KIF1B: variants seen among roughly 807,000 people sequenced by gnomAD.
The protein encoded by KIF1B is kinesin family member 1B, also known as kinesin-like protein KIF1B.
Under a neutral mutation model 241.9 loss-of-function variants are expected in KIF1B, and 76 were observed. That is an observed-to-expected ratio of 0.31 (90% CI 0.26 to 0.38). The LOEUF is 0.38. Ranked by LOEUF, KIF1B falls within the 10% of genes least tolerant of loss-of-function variation. KIF1B has a pLI of 1.00. For missense variants in KIF1B, 1,622 were observed against 2,271.4 expected (o/e 0.71, Z 5.81); for synonymous variants, 750 against 796.7 (o/e 0.94, Z 0.99).
chr1:10,301,756 C>G (rs1004764191), intron 22 of KIF1B, among the ~76,000 whole-genome samples: 2 of 152,170 alleles, frequency 1.3e-5, no homozygotes, highest in African/African-American at 4.8e-5. Flanking sequence ...CAACTTTTAT[C>G]TCCCGAATAG....
intron 1 of KIF1B, among the ~76,000 whole-genome samples, chr1:10,217,519 G>A (rs1646785437): frequency 1.3e-5 from 2 of 151,850 alleles, no homozygotes; most frequent in African/African-American, 4.8e-5. Context: ...GTTTCACCAT[G>A]TTGGCCAGGC....
Position 10,211,304 on chromosome 1 carries a change from G to A in KIF1B, c.-80+426G>A, listed in dbSNP as rs567359922. ...TTGTGGTGGGCATCGGGCTTCGGCT[G>A]GGAATGTGGTTATGCCCTTTGCCAG... On this transcript the variant is annotated intron_variant, in intron 1 of 48. Coordinates refer to ENST00000676179, the MANE Select transcript of KIF1B (RefSeq NM_001365951.3). Among the ~76,000 whole-genome samples, 109 of 152,360 alleles carry A rather than the reference G, an allele frequency of 7.2e-4. 4 individuals carry two copies. The South Asian group carries it at 0.022, about 30-fold the overall frequency.
chr1:10,333,714 A>G (rs1424547571), intron 27 of KIF1B, among the ~76,000 whole-genome samples: 1 of 152,142 alleles, frequency 6.6e-6, no homozygotes, highest in African/African-American at 2.4e-5. Context: ...AAAGCAACCA[A>G]TAAAGACCAT....
At chr1:10,283,665 T>C (rs1214836796) in intron 15 of KIF1B, among the ~76,000 whole-genome samples, 1 of 152,178 alleles carries the variant, frequency 6.6e-6, no homozygotes, top group African/African-American at 2.4e-5. Context: ...CAAATATTTT[T>C]TCTTTCCCTA....
Position 10,337,506 on chromosome 1 carries a change from A to C in KIF1B, c.3395A>C (p.Glu1132Ala). Residue 1132 changes from glutamate to alanine, a missense_variant, in exon 31 of 49, where the codon GAG becomes GCG. Around this residue, in one of 7 missense-constraint regions of KIF1B, gnomAD observed 803 missense variants for 1,112.0 expected, o/e 0.72. Transcript: ENST00000676179. This position sits in a 1 kb window ranked among gnomAD's most constrained non-coding sequence, Gnocchi z 4.0. Reference sequence around the variant, plus strand: ...TTGCAGGCCAGTGGAATCCTCCCAGAGTATGCAGATATCTTCTGTCAGTTC... The same window carrying C: ...TTGCAGGCCAGTGGAATCCTCCCAGCGTATGCAGATATCTTCTGTCAGTTC... The part of the protein sequence containing the change: ...TVLQASGILP[E>A]YADIFCQFNF... The C allele has an allele frequency of 6.2e-7, 1 of 1,614,212 alleles. No individual in the cohort carries two copies. Among genetic ancestry groups the C allele is most frequent in the Non-Finnish European group, 8.5e-7 (1 of 1,180,028 alleles).
At chr1:10,295,579 T>C in intron 18 of KIF1B, 81 bp from the exon 19 acceptor site, 4 of 1,256,316 alleles carry the variant, frequency 3.2e-6, no homozygotes, top group Non-Finnish European at 4.7e-6. Flanking sequence ...CCAAAGGATA[T>C]TCTTTGGAAT....
At chr1:10,251,890 A>G (rs1439777723) in intron 2 of KIF1B, among the ~76,000 whole-genome samples, 2 of 152,084 alleles carry the variant, frequency 1.3e-5, no homozygotes, top group African/African-American at 2.4e-5. Context: ...GCCTTGTGTC[A>G]TCATTGTTCT....
chr1:10,278,010 T>G lies in KIF1B; in HGVS notation c.1062T>G (p.Ile354Met). 4 of 1,613,984 alleles carry G rather than the reference T, an allele frequency of 2.5e-6. No homozygotes were observed. Among genetic ancestry groups the G allele is most frequent in the Non-Finnish European group, 3.4e-6 (4 of 1,179,944 alleles). The part of the protein sequence containing the change: ...TLRYADRAKQ[I>M]KCNAVINEDP... The stretch of plus-strand genomic sequence containing the variant: ...GATATGCAGATCGTGCAAAACAAAT[T>G]AAATGCAATGCTGTTATCAATGAGG... Residue 354 changes from isoleucine (I) to methionine (M), a missense_variant, in exon 13 of 49, where the codon ATT becomes ATG. Physicochemically the swap from Ile to Met is conservative, Grantham distance 10 (BLOSUM62 1). This residue lies in a region of KIF1B where 201 missense variants were observed against 301.2 expected (regional missense o/e 0.67). Transcript: ENST00000676179.
intron 20 of KIF1B, 28 bp from the exon 21 acceptor site, chr1:10,296,869 T>C (rs752215191): frequency 1.7e-5 from 27 of 1,604,512 alleles, no homozygotes; most frequent in Non-Finnish European, 2.2e-5. Context: ...AAATTATTTC[T>C]TAACCCTATT....
chr1:10,280,225 C>CT (rs900285654), intron 14 of KIF1B, among the ~76,000 whole-genome samples: 4 of 150,994 alleles, frequency 2.6e-5, no homozygotes, highest in African/African-American at 7.3e-5. Flanking sequence ...TGAGTTATTT[C>CT]TTTTTTTTTC....
chr1:10,356,351 C>T lies in KIF1B; in HGVS notation c.4055+3615C>T, dbSNP rs182815670. ...CTGCATTCCAGCCTGGGCGACAGAGCGAGACTCTGTCTCGAAAAAAAAATA... is the reference window on the plus strand; with the variant it reads ...CTGCATTCCAGCCTGGGCGACAGAGTGAGACTCTGTCTCGAAAAAAAAATA... On this transcript the variant is annotated intron_variant, in intron 38 of 48. Transcript: ENST00000676179. Among the ~76,000 whole-genome samples the T allele has an allele frequency of 2.9e-3, 444 of 151,572 alleles. 2 individuals carry two copies. Among genetic ancestry groups the T allele is most frequent in the African/African-American group, 0.01 (428 of 41,334 alleles).
At chr1:10,371,991 A>G (rs1323814108) in intron 45 of KIF1B, among the ~76,000 whole-genome samples, 1 of 152,128 alleles carries the variant, frequency 6.6e-6, no homozygotes, top group Non-Finnish European at 1.5e-5. Context: ...CATCATCATA[A>G]TCCGTTCTTT....
rs188543466 is a variant in KIF1B at position 10,237,222 on chromosome 1, A to G, written c.106+4788A>G. 7.9e-5 allele frequency among the ~76,000 whole-genome samples: 12 copies of G among 152,312 alleles called. No individual in the cohort carries two copies. In the East Asian group the frequency reaches 2.1e-3, roughly 27 times the overall value. Reference sequence around the variant, plus strand: ...CATGCAAATGGCTCTGTTCAATAATATCCCATTATATTCCAAGGTTCTCCC... The same window carrying G: ...CATGCAAATGGCTCTGTTCAATAATGTCCCATTATATTCCAAGGTTCTCCC... On this transcript the variant is annotated intron_variant, in intron 2 of 48. Coordinates refer to ENST00000676179, the MANE Select transcript of KIF1B (RefSeq NM_001365951.3).
At chr1:10,343,566 A>T (rs115901893) in intron 34 of KIF1B, among the ~76,000 whole-genome samples, 2,899 of 152,176 alleles carry the variant, frequency 0.019, 42 homozygotes, top group Non-Finnish European at 0.028. Flanking sequence ...AAAAACAGCC[A>T]GACCAACATG....
intron 8 of KIF1B, 132 bp downstream of exon 8, chr1:10,271,711 G>A (rs1450302687): frequency 1.2e-5 from 9 of 730,476 alleles, no homozygotes; most frequent in Admixed American, 4.0e-5. Context: ...CACTACAATG[G>A]CAGTGTTGTG....
At position 10,271,517 on chromosome 1, in the gene KIF1B, T is replaced by C; in HGVS notation, c.736T>C (p.Leu246=). Residue 246 remains leucine, a synonymous_variant, in exon 8 of 49, where the codon TTG becomes CTG. Coordinates refer to ENST00000676179, the MANE Select transcript of KIF1B (RefSeq NM_001365951.3). ...TCTTTATCAGGTCAGTAAAATCAGC[T>C]TGGTGGATCTAGCAGGAAGTGAACG... is the stretch of plus-strand genomic sequence containing the variant. ...LSTEKVSKIS[L]VDLAGSERAD... 1 of 1,613,660 alleles carries C rather than the reference T, an allele frequency of 6.2e-7. No individual in the cohort carries two copies. Among genetic ancestry groups the C allele is most frequent in the Non-Finnish European group, 8.5e-7 (1 of 1,179,552 alleles).
chr1:10,333,479 C>G (rs1652036987), intron 27 of KIF1B, among the ~76,000 whole-genome samples: 1 of 152,142 alleles, frequency 6.6e-6, no homozygotes, highest in African/African-American at 2.4e-5. Flanking sequence ...ATCACGAGGT[C>G]AGGAGATCAA....
intron 38 of KIF1B, among the ~76,000 whole-genome samples, chr1:10,359,912 A>G (rs557191242): frequency 6.9e-4 from 105 of 152,040 alleles, no homozygotes; most frequent in Non-Finnish European, 9.4e-4. Context: ...GCGTGCCTAT[A>G]ATCCCAGCTA....
intron 22 of KIF1B, among the ~76,000 whole-genome samples, chr1:10,314,462 C>A (rs1045893362): frequency 6.6e-6 from 1 of 151,428 alleles, no homozygotes; most frequent in African/African-American, 2.5e-5. Flanking sequence ...CTGTGTCCTC[C>A]AGGCTGGAGT....
Sources: allele counts gnomAD v4.1 joint callset (sites outside exome capture counted in the v4.1 genomes callset), GRCh38; gene constraint gnomAD v4.1.1; regional missense constraint gnomAD v4.1.1; non-coding constraint Gnocchi (gnomAD v3.1); transcripts MANE v1.5; gene names NCBI Gene and HGNC (gene_info 2026-07-23, HGNC 2026-07-21).